The following XKR6 variants were observed in gnomAD, a reference collection of about 807,000 sequenced individuals.
XKR6 encodes XK-related protein 6.
In XKR6, 22 loss-of-function variants were observed where a neutral mutation model predicts 56.7. The ratio of observed to expected loss-of-function variants is 0.39; its 90% CI spans 0.28 to 0.55. The LOEUF is 0.55. Among genes scored for constraint, XKR6 ranks in the 20% least tolerant of loss-of-function variants. XKR6 has a pLI of 0.66. For synonymous variants in XKR6, 524 were observed against 387.8 expected (o/e 1.35, Z -4.13); for missense variants, 852 against 889.0 (o/e 0.96, Z 0.53).
intron 2 of XKR6, among the ~76,000 whole-genome samples, chr8:10,913,166 G>A (rs1005017646): frequency 3.3e-5 from 5 of 151,592 alleles, no homozygotes; most frequent in Non-Finnish European, 5.9e-5. Context: ...GTGTGTGTGT[G>A]TATATAGTCT....
intron 1 of XKR6, among the ~76,000 whole-genome samples, chr8:11,145,742 C>A (rs902990747): frequency 2.0e-5 from 3 of 152,104 alleles, no homozygotes; most frequent in Non-Finnish European, 4.4e-5. Flanking sequence ...ATTCATGGGT[C>A]AGAAGGTTTA....
chr8:11,176,133 C>A (rs186158535), intron 1 of XKR6, among the ~76,000 whole-genome samples: 39 of 152,302 alleles, frequency 2.6e-4, no homozygotes, highest in Admixed American at 5.2e-4. Flanking sequence ...CTGACCTGTG[C>A]TTAGCATCTT....
At chr8:10,933,289 G>T (rs1470421859) in intron 1 of XKR6, among the ~76,000 whole-genome samples, 1 of 101,110 alleles carries the variant, frequency 9.9e-6, no homozygotes, top group African/African-American at 5.1e-5. Context: ...TGTAGATTCT[G>T]GATATTAGCC....
chr8:11,168,587 C>G (rs916941175), intron 1 of XKR6, among the ~76,000 whole-genome samples: 1 of 152,142 alleles, frequency 6.6e-6, no homozygotes, highest in African/African-American at 2.4e-5. Context: ...CAAAGCAGAA[C>G]ACACATTCTT....
intron 1 of XKR6, among the ~76,000 whole-genome samples, chr8:11,118,134 A>T (rs1799268874): frequency 6.6e-6 from 1 of 152,198 alleles, no homozygotes; most frequent in African/African-American, 2.4e-5. Flanking sequence ...AAGCAAAAAT[A>T]TTTGTACGAG....
intron 2 of XKR6, among the ~76,000 whole-genome samples, chr8:10,903,323 C>T (rs995870808): frequency 2.0e-5 from 3 of 152,170 alleles, no homozygotes; most frequent in Non-Finnish European, 4.4e-5. Context: ...TTGAGGACAG[C>T]CTGTGAATTC....
At chr8:10,954,866 C>CTCTTTTTTTTTTTTTTTTTT (rs1563309729) in intron 1 of XKR6, among the ~76,000 whole-genome samples, 4 of 92,794 alleles carry the variant, frequency 4.3e-5, no homozygotes, top group Admixed American at 1.1e-4. Context: ...ACTTCATTCT[C>CTCTTTTTTTTTTTTTTTTTT]TTTTTTTTTT....
At chr8:11,178,547 A>AATATAT (rs373879147) in intron 1 of XKR6, among the ~76,000 whole-genome samples, 59 of 88,502 alleles carry the variant, frequency 6.7e-4, no homozygotes, top group Admixed American at 8.4e-4. Flanking sequence ...GAGAGGTAAA[A>AATATAT]ATATATATAT....
intron 1 of XKR6, among the ~76,000 whole-genome samples, chr8:11,020,140 G>A (rs1025233170): frequency 2.6e-5 from 4 of 151,048 alleles, no homozygotes; most frequent in Middle Eastern, 3.4e-3. Flanking sequence ...CCCTGACTCC[G>A]TGGAGCATGG....
rs1312458979 is a variant in XKR6 at position 10,976,767 on chromosome 8, CTCTCTCTCTCTG to C, written c.765-51949_765-51938del. On this transcript the variant is annotated intron_variant, in intron 1 of 2. Transcript: ENST00000416569. The stretch of plus-strand genomic sequence containing the variant: ...CTACCTCGCCTGTCTCTCTCTCTCT[CTCTCTCTCTCTG>C]TCTCTCTCTCTCTCTCAGAGCAGGC... Among the ~76,000 whole-genome samples, 14 of 150,180 alleles carry C rather than the reference CTCTCTCTCTCTG, an allele frequency of 9.3e-5. No individual in the cohort carries two copies. In the South Asian group the frequency reaches 2.7e-3, roughly 29 times the overall value.
chr8:11,059,268 C>G (rs1291353833), intron 1 of XKR6, among the ~76,000 whole-genome samples: 1 of 152,000 alleles, frequency 6.6e-6, no homozygotes, highest in Non-Finnish European at 1.5e-5. Context: ...CCAGCGCGGT[C>G]CTGGCGCCTC....
chr8:11,025,023 T>G (rs556391203), intron 1 of XKR6, among the ~76,000 whole-genome samples: 5 of 152,344 alleles, frequency 3.3e-5, no homozygotes, highest in African/African-American at 1.2e-4. Flanking sequence ...TGGTGCAGTC[T>G]GATTGATCCA....
chr8:11,028,928 C>T (rs1798930410), intron 1 of XKR6, among the ~76,000 whole-genome samples: 1 of 152,124 alleles, frequency 6.6e-6, no homozygotes, highest in African/African-American at 2.4e-5. Flanking sequence ...GCAGGTGGCC[C>T]CCTGGACTAG....
At chr8:11,184,344 T>C (rs1357468341) in intron 1 of XKR6, among the ~76,000 whole-genome samples, 3 of 151,642 alleles carry the variant, frequency 2.0e-5, no homozygotes, top group Non-Finnish European at 4.4e-5. Context: ...AATTATTAAA[T>C]AGCCTCTAAA....
At chr8:11,060,636 G>C (rs1006876024) in intron 1 of XKR6, among the ~76,000 whole-genome samples, 3 of 152,236 alleles carry the variant, frequency 2.0e-5, no homozygotes, top group African/African-American at 7.2e-5. Context: ...CGTACACAAA[G>C]GAGCTCGCAG....
At chr8:11,151,585 T>C (rs1196886616) in intron 1 of XKR6, among the ~76,000 whole-genome samples, 1 of 152,152 alleles carries the variant, frequency 6.6e-6, no homozygotes. Context: ...GCAGCACTGA[T>C]AGCAGAAGCA....
chr8:11,013,198 T>C (rs1798539507), intron 1 of XKR6, among the ~76,000 whole-genome samples: 1 of 152,202 alleles, frequency 6.6e-6, no homozygotes, highest in African/African-American at 2.4e-5. Context: ...TATATCTTCA[T>C]TGTACAGACA....
At chr8:10,952,028 G>T (rs1162618734) in intron 1 of XKR6, among the ~76,000 whole-genome samples, 2 of 152,146 alleles carry the variant, frequency 1.3e-5, no homozygotes, top group East Asian at 3.9e-4. Flanking sequence ...GGGTAGGGGA[G>T]TGGGAAGGAG....
At chr8:11,169,286 A>G (rs1361769204) in intron 1 of XKR6, among the ~76,000 whole-genome samples, 2 of 152,194 alleles carry the variant, frequency 1.3e-5, no homozygotes, top group Non-Finnish European at 2.9e-5. Context: ...TAATTTTCTT[A>G]GTCATGAGAC....
Sources: gnomAD v4.1 joint callset for allele counts (sites outside exome capture counted in the v4.1 genomes callset) on GRCh38, gnomAD v4.1.1 for gene constraint, MANE v1.5 for transcripts, NCBI Gene and HGNC (gene_info 2026-07-23, HGNC 2026-07-21) for gene names.